The following NFE2L3 variants were observed in gnomAD, a reference collection of about 807,000 sequenced individuals.
The protein encoded by NFE2L3 is nuclear factor erythroid 2-related factor 3.
In NFE2L3, 18 loss-of-function variants were observed where a neutral mutation model predicts 23.5. The observed-to-expected ratio is 0.77, with a 90% CI of 0.53 to 1.13. The LOEUF (loss-of-function observed/expected upper bound fraction) is 1.13. NFE2L3 is among the 50% of genes most tolerant of loss of function. NFE2L3 has a pLI of 0.00. For missense variants in NFE2L3, 1,152 were observed against 877.2 expected (o/e 1.31, Z -3.96); for synonymous variants, 424 against 354.5 (o/e 1.20, Z -2.20).
chr7:26,162,388 C>G (rs1043140797), intron 1 of NFE2L3, among the ~76,000 whole-genome samples: 23 of 151,952 alleles, frequency 1.5e-4, no homozygotes, highest in African/African-American at 5.6e-4. Flanking sequence ...GAGTGCTGAT[C>G]ATTGTTGAAA....
chr7:26,163,803 C>T (rs973989553), intron 1 of NFE2L3, among the ~76,000 whole-genome samples: 1 of 152,126 alleles, frequency 6.6e-6, no homozygotes, highest in Admixed American at 6.6e-5. Flanking sequence ...CTATCCCTCC[C>T]TCCTCCCCCG....
At chr7:26,172,321 C>T (rs901529464) in intron 1 of NFE2L3, among the ~76,000 whole-genome samples, 1 of 152,182 alleles carries the variant, frequency 6.6e-6, no homozygotes, top group Non-Finnish European at 1.5e-5. Flanking sequence ...ATACCCTTTA[C>T]CCAGATTTAC....
At chr7:26,184,307 C>G (rs1392724783) in intron 3 of NFE2L3, 1 of 503,578 alleles carries the variant, frequency 2.0e-6, no homozygotes, top group Non-Finnish European at 3.5e-6. Context: ...AGCTTTTATA[C>G]TAATCCATCT....
At chr7:26,175,096 C>G (rs1015155694) in intron 1 of NFE2L3, among the ~76,000 whole-genome samples, 3 of 151,704 alleles carry the variant, frequency 2.0e-5, no homozygotes, top group African/African-American at 7.3e-5. Context: ...CCTGTAATCC[C>G]AGCACTTTGG....
chr7:26,156,278 T>C (rs1784079724), intron 1 of NFE2L3, among the ~76,000 whole-genome samples: 1 of 152,210 alleles, frequency 6.6e-6, no homozygotes, highest in African/African-American at 2.4e-5. Context: ...AGTTAGTAAA[T>C]GTTAGCTACT....
At chr7:26,182,186 A>G (rs1465016748) in intron 2 of NFE2L3, among the ~76,000 whole-genome samples, 1 of 152,216 alleles carries the variant, frequency 6.6e-6, no homozygotes, top group African/African-American at 2.4e-5. Flanking sequence ...TTTTTAAATT[A>G]CCTGAGATAG....
At position 26,176,888 on chromosome 7, in the gene NFE2L3, C is replaced by T. The variant is rs1326528246; in HGVS notation, c.571-1055C>T. On this transcript the variant is annotated intron_variant, in intron 1 of 3. Transcript: ENST00000056233. ...GGCACTCCTCACCTCCCAGACGGGG[C>T]GGCCGGGCAGAGGCGCTCCTCACAT... 4.7e-4 allele frequency among the ~76,000 whole-genome samples: 51 copies of T among 109,330 alleles called. 3 individuals carry two copies. Among genetic ancestry groups the T allele is most frequent in the Non-Finnish European group, 1.3e-4 (7 of 52,818 alleles). 71.7% of individuals were successfully genotyped at this position (109,330 alleles called of 152,430 possible). A position where few individuals can be genotyped will look rare whatever the true frequency, so the allele number is the denominator to read the frequency against.
At chr7:26,154,392 A>T (rs1352787046) in intron 1 of NFE2L3, among the ~76,000 whole-genome samples, 1 of 152,128 alleles carries the variant, frequency 6.6e-6, no homozygotes, top group African/African-American at 2.4e-5. Flanking sequence ...CTAGTGCTGG[A>T]TGCTGTACCA....
At position 26,184,835 on chromosome 7, in the gene NFE2L3, C is replaced by T. The variant is rs369664009; in HGVS notation, c.1137C>T (p.Asp379=). The T allele has an allele frequency of 1.4e-5, 23 of 1,613,836 alleles. No individual in the cohort carries two copies. The highest frequency in any genetic ancestry group is 1.9e-5 in the Non-Finnish European group (23 of 1,179,842). ...DNHMRNLTSQ[D]LLYDLDINIF... The stretch of plus-strand genomic sequence containing the variant: ...ATATGAGGAATCTAACAAGCCAAGA[C>T]CTACTGTATGACCTTGACATAAATA... The change falls in exon 4 of 4, where the codon GAC becomes GAT. Residue 379 remains aspartate, a synonymous_variant. Coordinates refer to ENST00000056233, the MANE Select transcript of NFE2L3 (RefSeq NM_004289.7).
At chr7:26,182,478 G>C (rs1784535650) in intron 2 of NFE2L3, among the ~76,000 whole-genome samples, 1 of 151,972 alleles carries the variant, frequency 6.6e-6, no homozygotes, top group African/African-American at 2.4e-5. Flanking sequence ...ATAAAAATTG[G>C]CCAGGCGCAG....
In NFE2L3 at chr7:26,183,688, T is replaced by C. The variant is rs997014505; in HGVS notation, c.751-13T>C. 6.4e-7 allele frequency: 1 copy of C among 1,570,220 alleles called. No homozygotes were observed. Among genetic ancestry groups the C allele is most frequent in the Non-Finnish European group, 8.8e-7 (1 of 1,140,238 alleles). ...TTTTATGTGAAAGATGCACTTTTTG[T>C]GTTTCTCTACAGAGACATCTGAATG... On this transcript the variant is annotated splice_polypyrimidine_tract_variant and intron_variant, in intron 2 of 3. Transcript: ENST00000056233.
intron 1 of NFE2L3, 47 bp from the exon 2 acceptor site, chr7:26,177,896 G>A (rs776807891): frequency 1.9e-6 from 3 of 1,544,756 alleles, no homozygotes; most frequent in Non-Finnish European, 2.7e-6. Flanking sequence ...GCACAATGCA[G>A]TTTTAAAGAC....
intron 3 of NFE2L3, chr7:26,184,277 C>CTT: frequency 2.3e-6 from 1 of 434,318 alleles, no homozygotes; most frequent in Non-Finnish European, 4.1e-6. Context: ...TAACATTAGA[C>CTT]TTTTTAAGAA....
At chr7:26,174,454 T>G (rs1784368472) in intron 1 of NFE2L3, 1 of 152,210 alleles carries the variant, frequency 6.6e-6, no homozygotes, top group Non-Finnish European at 1.5e-5. Flanking sequence ...GAACTGTTGA[T>G]GCAGAAGAGA....
At chr7:26,166,642 C>T (rs1784256171) in intron 1 of NFE2L3, among the ~76,000 whole-genome samples, 1 of 152,230 alleles carries the variant, frequency 6.6e-6, no homozygotes, top group Admixed American at 6.5e-5. Context: ...TACATAGGGC[C>T]TGGCCTACAG....
At chr7:26,154,590 G>A (rs147548486) in intron 1 of NFE2L3, among the ~76,000 whole-genome samples, 1 of 152,204 alleles carries the variant, frequency 6.6e-6, no homozygotes, top group East Asian at 1.9e-4. Context: ...TTGCTCTGTT[G>A]CCCAGGCTGG....
chr7:26,184,880 A>C lies in NFE2L3; in HGVS notation c.1182A>C (p.Leu394Phe), dbSNP rs772929860. ...TAAATATATTTGATGAGATAAACTT[A>C]ATGTCATTGGCCACAGAAGACAACT... ...LDINIFDEIN[L>F]MSLATEDNFD... The change falls in exon 4 of 4, where the codon TTA becomes TTC. Residue 394 changes from leucine (L) to phenylalanine (F), a missense_variant. Transcript: ENST00000056233. 1.2e-5 allele frequency: 19 copies of C among 1,613,918 alleles called. No individual in the cohort carries two copies. In the South Asian group the frequency reaches 1.6e-4, roughly 14 times the overall value.
At chr7:26,156,538 T>C (rs1254858882) in intron 1 of NFE2L3, among the ~76,000 whole-genome samples, 1 of 152,332 alleles carries the variant, frequency 6.6e-6, no homozygotes, top group South Asian at 2.1e-4. Flanking sequence ...TCCCCAGGGC[T>C]GACACGCTTC....
chr7:26,183,879 T>C, intron 3 of NFE2L3, 95 bp downstream of exon 3: 1 of 794,352 alleles, frequency 1.3e-6, no homozygotes, highest in Non-Finnish European at 2.2e-6. Flanking sequence ...GACACAGCAG[T>C]TTAAAGTAAT....
Sources: allele counts gnomAD v4.1 joint callset (sites outside exome capture counted in the v4.1 genomes callset), GRCh38; gene constraint gnomAD v4.1.1; transcripts MANE v1.5; gene names NCBI Gene and HGNC (gene_info 2026-07-23, HGNC 2026-07-21).